TTC28: variants seen among roughly 807,000 people sequenced by gnomAD.
TTC28 encodes the protein tetratricopeptide repeat protein 28.
In TTC28, 61 loss-of-function variants were observed where a neutral mutation model predicts 198.0. That is an observed-to-expected ratio of 0.31 (90% confidence interval 0.25 to 0.38). The LOEUF is 0.38. Ranked by LOEUF, TTC28 falls within the 10% of genes least tolerant of loss-of-function variation. The pLI is 1.00. For synonymous variants in TTC28, 1,171 were observed against 1,297.8 expected, an observed-to-expected ratio of 0.90 and a Z score of 2.10; for missense variants, 2,678 against 3,164.0, an observed-to-expected ratio of 0.85 and a Z score of 3.69.
chr22:28,095,124 A>G (rs920143865), intron 11 of TTC28, among the ~76,000 whole-genome samples: 2 of 152,058 alleles, frequency 1.3e-5, no homozygotes, highest in Admixed American at 6.5e-5. Context: ...TATCAGTACC[A>G]CTCTGGGAGC....
At chr22:28,659,665 G>A (rs1319550041) in intron 1 of TTC28, among the ~76,000 whole-genome samples, 1 of 152,138 alleles carries the variant, frequency 6.6e-6, no homozygotes, top group Non-Finnish European at 1.5e-5. Context: ...AGGAGGCTGA[G>A]GCAAGAGAAT....
intron 2 of TTC28, among the ~76,000 whole-genome samples, chr22:28,604,094 G>A (rs191594754): frequency 4.0e-5 from 6 of 148,480 alleles, no homozygotes; most frequent in South Asian, 2.2e-4. Context: ...CCTGGCCAAC[G>A]TGGCGAAACC....
intron 2 of TTC28, among the ~76,000 whole-genome samples, chr22:28,455,349 T>C (rs2047843233): frequency 1.3e-5 from 2 of 152,348 alleles, no homozygotes; most frequent in East Asian, 1.9e-4. Context: ...TCATTTAATA[T>C]AATAAAAGGT....
chr22:28,306,316 C>T (rs1224703233), intron 3 of TTC28, among the ~76,000 whole-genome samples, 180 bp downstream of exon 3: 5 of 152,170 alleles, frequency 3.3e-5, no homozygotes, highest in Non-Finnish European at 7.3e-5. Context: ...TTCTACCATA[C>T]TATTCTGCCT....
intron 5 of TTC28, among the ~76,000 whole-genome samples, chr22:28,211,444 C>G (rs1243545871): frequency 6.6e-6 from 1 of 151,974 alleles, no homozygotes; most frequent in African/African-American, 2.4e-5. Context: ...GAAGATCTAC[C>G]AAGCAAATGG....
At chr22:28,006,668 G>A (rs908962157) in intron 14 of TTC28, 3 of 152,324 alleles carry the variant, frequency 2.0e-5, no homozygotes, top group African/African-American at 7.2e-5. Context: ...CCACCACCAA[G>A]CAGTTACCCT....
chr22:27,991,877 AAG>A (rs1477469504), intron 19 of TTC28, among the ~76,000 whole-genome samples: 2 of 152,248 alleles, frequency 1.3e-5, no homozygotes, highest in African/African-American at 2.4e-5. Context: ...TCCTAAAAGA[AAG>A]CACATCTGCT....
chr22:28,580,073 G>C (rs940107875), intron 2 of TTC28, among the ~76,000 whole-genome samples: 3 of 152,030 alleles, frequency 2.0e-5, no homozygotes, highest in Admixed American at 6.6e-5. Context: ...TGTTGATAAA[G>C]TCAGCAATAA....
chr22:28,489,260 G>A (rs1055890986), intron 2 of TTC28, among the ~76,000 whole-genome samples: 6 of 151,176 alleles, frequency 4.0e-5, no homozygotes, highest in Non-Finnish European at 8.8e-5. Context: ...CTCCAGCCTG[G>A]GTGACAGAGC....
At chr22:28,469,081 T>C (rs1349679873) in intron 2 of TTC28, among the ~76,000 whole-genome samples, 2 of 152,204 alleles carry the variant, frequency 1.3e-5, no homozygotes, top group East Asian at 3.9e-4. Context: ...CTGTGAAGTC[T>C]GAGGCCATGT....
At chr22:28,061,733 A>C (rs954751225) in intron 12 of TTC28, among the ~76,000 whole-genome samples, 1 of 152,200 alleles carries the variant, frequency 6.6e-6, no homozygotes, top group Admixed American at 6.5e-5. Context: ...ACTTTAAAGT[A>C]GTTTTTTCCA....
chr22:28,670,511 C>A (rs1309333054), intron 1 of TTC28, among the ~76,000 whole-genome samples: 1 of 152,046 alleles, frequency 6.6e-6, no homozygotes, highest in African/African-American at 2.4e-5. Flanking sequence ...TGCCTCAGTA[C>A]TTCTTCCTTT....
intron 5 of TTC28, among the ~76,000 whole-genome samples, chr22:28,261,125 CTT>C (rs1569227041): frequency 1.3e-5 from 2 of 152,228 alleles, no homozygotes; most frequent in East Asian, 3.9e-4. Flanking sequence ...TTTAGGCTCT[CTT>C]GATTCCTCCC....
intron 14 of TTC28, among the ~76,000 whole-genome samples, chr22:28,012,326 G>A (rs1015391391): frequency 6.6e-6 from 1 of 152,258 alleles, no homozygotes; most frequent in Non-Finnish European, 1.5e-5. Flanking sequence ...AAGGACAACC[G>A]AGCACGTGCA....
chr22:28,378,707 A>C (rs374868521), intron 2 of TTC28, among the ~76,000 whole-genome samples: 1 of 152,112 alleles, frequency 6.6e-6, no homozygotes, highest in Admixed American at 6.5e-5. Context: ...CAAATTAGAA[A>C]CCAAAATAGA....
chr22:28,559,640 T>C (rs1354801182), intron 2 of TTC28, among the ~76,000 whole-genome samples: 1 of 152,206 alleles, frequency 6.6e-6, no homozygotes, highest in Admixed American at 6.5e-5. Flanking sequence ...CAAAGTGGTC[T>C]TTCTTCAGGA....
chr22:28,094,016 G>A (rs1941895523), intron 12 of TTC28, 64 bp downstream of exon 12: 1 of 1,445,284 alleles, frequency 6.9e-7, no homozygotes, highest in East Asian at 2.5e-5. Flanking sequence ...CAAATAGGAT[G>A]TTTACAAAAA....
At chr22:28,379,109 C>T (rs978029449) in intron 2 of TTC28, among the ~76,000 whole-genome samples, 1 of 152,110 alleles carries the variant, frequency 6.6e-6, no homozygotes, top group Non-Finnish European at 1.5e-5. Flanking sequence ...AGCAACATCT[C>T]TAAATTTCTG....
chr22:28,592,796 C>G (rs1390920039), intron 2 of TTC28, among the ~76,000 whole-genome samples: 1 of 152,064 alleles, frequency 6.6e-6, no homozygotes, highest in South Asian at 2.1e-4. Context: ...TACCAATTAC[C>G]CTTTATCAAA....
Sources: allele counts gnomAD v4.1 joint callset (sites outside exome capture counted in the v4.1 genomes callset), GRCh38; gene constraint gnomAD v4.1.1; transcripts MANE v1.5; gene names NCBI Gene and HGNC (gene_info 2026-07-23, HGNC 2026-07-21).